CARMIL1: variants seen among roughly 807,000 people sequenced by gnomAD.
CARMIL1 encodes the protein capping protein regulator and myosin 1 linker 1.
Under a neutral mutation model 177.1 loss-of-function variants are expected in CARMIL1, and 90 were observed. The ratio of observed to expected loss-of-function variants is 0.51; its 90% confidence interval spans 0.43 to 0.61. The LOEUF (loss-of-function observed/expected upper bound fraction) is 0.61. Among genes scored for constraint, CARMIL1 ranks in the 20% least tolerant of loss-of-function variants. The pLI is 0.00. For synonymous variants in CARMIL1, 577 were observed against 606.2 expected, an observed-to-expected ratio of 0.95 and a Z score of 0.71; for missense variants, 1,380 against 1,667.0, an observed-to-expected ratio of 0.83 and a Z score of 3.00.
At chr6:25,599,337 T>G (rs1582485354) in intron 32 of CARMIL1, among the ~76,000 whole-genome samples, 1 of 152,330 alleles carries the variant, frequency 6.6e-6, no homozygotes. Flanking sequence ...ACATAACTAG[T>G]GTATTTTGGC....
intron 2 of CARMIL1, among the ~76,000 whole-genome samples, chr6:25,376,286 G>A (rs1790967857): frequency 1.3e-5 from 2 of 152,078 alleles, no homozygotes; most frequent in Non-Finnish European, 2.9e-5. Context: ...CACCATGTTG[G>A]CCAGGCTGAT....
chr6:25,325,180 T>C (rs16890377), intron 2 of CARMIL1, among the ~76,000 whole-genome samples: 6,315 of 152,302 alleles, frequency 0.041, 239 homozygotes, highest in East Asian at 0.18. Flanking sequence ...AAGGCCGTTT[T>C]CTCATTTGTT....
chr6:25,486,677 CAATT>C (rs767032464), intron 12 of CARMIL1, among the ~76,000 whole-genome samples: 1 of 152,116 alleles, frequency 6.6e-6, no homozygotes, highest in Non-Finnish European at 1.5e-5. Context: ...TTATCTAACA[CAATT>C]AATCAAATTT....
intron 8 of CARMIL1, 140 bp from the exon 9 acceptor site, chr6:25,465,732 TG>T: frequency 1.6e-6 from 1 of 640,594 alleles, no homozygotes; most frequent in Non-Finnish European, 2.8e-6. Flanking sequence ...AGAACTTAGT[TG>T]TTGTCTAGTG....
intron 3 of CARMIL1, 90 bp downstream of exon 3, chr6:25,420,254 A>G (rs907476456): frequency 8.2e-7 from 1 of 1,217,028 alleles, no homozygotes; most frequent in African/African-American, 1.5e-5. Flanking sequence ...ATGTGTGCAC[A>G]CATATTCCTT....
intron 2 of CARMIL1, among the ~76,000 whole-genome samples, chr6:25,322,186 T>C (rs904877076): frequency 4.0e-5 from 6 of 151,398 alleles, no homozygotes; most frequent in African/African-American, 1.5e-4. Flanking sequence ...GCAGTGGCAC[T>C]ATCTCAGCTC....
chr6:25,560,492 C>T (rs1306664803), intron 29 of CARMIL1, among the ~76,000 whole-genome samples: 1 of 152,026 alleles, frequency 6.6e-6, no homozygotes, highest in Non-Finnish European at 1.5e-5. Flanking sequence ...TATGTAGTAC[C>T]TGTGACGTTC....
chr6:25,563,341 A>T (rs1367203297), intron 29 of CARMIL1: 1 of 985,224 alleles, frequency 1.0e-6, no homozygotes, highest in Non-Finnish European at 1.2e-6. Context: ...TTCCTCTTTA[A>T]TTTCTGAGTT....
intron 2 of CARMIL1, among the ~76,000 whole-genome samples, chr6:25,373,561 A>G (rs183521786): frequency 2.0e-5 from 3 of 150,930 alleles, no homozygotes; most frequent in Admixed American, 2.0e-4. Context: ...TTTGGTTATA[A>G]TGTCTCAATT....
chr6:25,378,537 G>A (rs140645224), intron 2 of CARMIL1, among the ~76,000 whole-genome samples: 4 of 152,188 alleles, frequency 2.6e-5, no homozygotes, highest in Non-Finnish European at 4.4e-5. Flanking sequence ...GGTAGGATCA[G>A]CAGTGGCTTC....
intron 23 of CARMIL1, among the ~76,000 whole-genome samples, chr6:25,525,025 A>T (rs1281576899): frequency 6.6e-6 from 1 of 152,204 alleles, no homozygotes; most frequent in Non-Finnish European, 1.5e-5. Context: ...TGGGAATACC[A>T]GAAGGAAAGA....
chr6:25,448,460 G>C (rs1798450820), intron 5 of CARMIL1, among the ~76,000 whole-genome samples: 1 of 152,032 alleles, frequency 6.6e-6, no homozygotes, highest in Non-Finnish European at 1.5e-5. Flanking sequence ...ACACTTTCCT[G>C]GCCCCTAGCT....
At chr6:25,484,148 T>C (rs1392175189) in intron 12 of CARMIL1, among the ~76,000 whole-genome samples, 1 of 152,216 alleles carries the variant, frequency 6.6e-6, no homozygotes, top group Non-Finnish European at 1.5e-5. Context: ...CTGTGTTCCT[T>C]AGCCCTGTGT....
intron 17 of CARMIL1, among the ~76,000 whole-genome samples, chr6:25,507,982 C>T (rs1287857708): frequency 1.3e-5 from 2 of 151,708 alleles, no homozygotes; most frequent in East Asian, 1.9e-4. Flanking sequence ...AAATATAATA[C>T]GAATAAAATA....
chr6:25,548,726 C>G (rs1809771210), intron 26 of CARMIL1, among the ~76,000 whole-genome samples: 1 of 152,114 alleles, frequency 6.6e-6, no homozygotes, highest in African/African-American at 2.4e-5. Context: ...AGTAATGAAG[C>G]AGAGACGGAA....
intron 8 of CARMIL1, among the ~76,000 whole-genome samples, chr6:25,459,582 C>T (rs561364912): frequency 1.5e-4 from 23 of 151,900 alleles, no homozygotes; most frequent in African/African-American, 5.3e-4. Flanking sequence ...ACTCCCCAAC[C>T]AGTGATTAGA....
intron 2 of CARMIL1, among the ~76,000 whole-genome samples, chr6:25,411,077 T>C (rs1240270142): frequency 6.6e-6 from 1 of 152,194 alleles, no homozygotes; most frequent in African/African-American, 2.4e-5. Flanking sequence ...ATGAACTTTA[T>C]AGTTATATTT....
At chr6:25,494,171 A>G (rs1344595490) in intron 15 of CARMIL1, among the ~76,000 whole-genome samples, 1 of 151,540 alleles carries the variant, frequency 6.6e-6, no homozygotes. Flanking sequence ...CATGTGCACA[A>G]TGAAGGGGAA....
At chr6:25,450,569 T>C in intron 7 of CARMIL1, 69 bp from the exon 8 acceptor site, 1 of 1,080,570 alleles carries the variant, frequency 9.3e-7, no homozygotes, top group Non-Finnish European at 1.4e-6. Context: ...TGTCTAATTC[T>C]CACTGTCTCT....
Sources: gnomAD v4.1 joint callset for allele counts (sites outside exome capture counted in the v4.1 genomes callset) on GRCh38, gnomAD v4.1.1 for gene constraint, MANE v1.5 for transcripts, NCBI Gene and HGNC (gene_info 2026-07-23, HGNC 2026-07-21) for gene names.